The following ADAM12 variants were observed in gnomAD, a reference collection of about 807,000 sequenced individuals.
The protein encoded by ADAM12 is disintegrin and metalloproteinase domain-containing protein 12.
ADAM12 carries 70 observed loss-of-function variants against 106.4 expected under a neutral mutation model. The ratio of observed to expected loss-of-function variants is 0.66; its 90% CI spans 0.54 to 0.80. ADAM12 has a LOEUF of 0.80. Among genes scored for constraint, ADAM12 ranks in the 30% least tolerant of loss-of-function variants. ADAM12 has a pLI of 0.00. For synonymous variants in ADAM12, 420 were observed against 433.5 expected (o/e 0.97, Z 0.39); for missense variants, 1,010 against 1,171.9 (o/e 0.86, Z 2.02).
intron 3 of ADAM12, among the ~76,000 whole-genome samples, chr10:126,245,015 C>T (rs1269734923): frequency 2.0e-5 from 3 of 152,144 alleles, no homozygotes; most frequent in African/African-American, 2.4e-5. Flanking sequence ...AGGGGAGGGG[C>T]TTGCACCAAG....
chr10:126,198,471 T>G (rs1009806249), intron 3 of ADAM12, among the ~76,000 whole-genome samples: 1 of 152,212 alleles, frequency 6.6e-6, no homozygotes, highest in Non-Finnish European at 1.5e-5. Context: ...TTTCACCGGC[T>G]CTTGCAGTGA....
At chr10:126,287,999 G>A (rs1476067592) in intron 2 of ADAM12, among the ~76,000 whole-genome samples, 2 of 151,792 alleles carry the variant, frequency 1.3e-5, no homozygotes, top group East Asian at 3.9e-4. Context: ...AGTCGGGGAT[G>A]CAGGAGGAAC....
intron 3 of ADAM12, among the ~76,000 whole-genome samples, chr10:126,185,699 CAG>C (rs1177838261): frequency 2.6e-5 from 4 of 151,890 alleles, no homozygotes; most frequent in African/African-American, 4.8e-5. Flanking sequence ...ATTAGAGAAA[CAG>C]AGATGATTTG....
intron 4 of ADAM12, among the ~76,000 whole-genome samples, chr10:126,148,887 T>G (rs1337855302): frequency 6.6e-6 from 1 of 151,854 alleles, no homozygotes; most frequent in Non-Finnish European, 1.5e-5. Flanking sequence ...CAGGACCCAT[T>G]GTGGGGAAGG....
At chr10:126,379,254 C>A (rs144981004) in intron 1 of ADAM12, among the ~76,000 whole-genome samples, 190 of 152,290 alleles carry the variant, frequency 1.2e-3, no homozygotes, top group African/African-American at 4.2e-3. Flanking sequence ...ATGTTTATTG[C>A]AGCACTATTC....
chr10:126,153,941 T>A (rs1283939555), intron 4 of ADAM12, among the ~76,000 whole-genome samples: 1 of 152,250 alleles, frequency 6.6e-6, no homozygotes, highest in Non-Finnish European at 1.5e-5. Flanking sequence ...TTTCAATGTC[T>A]TCATTTTTTA....
intron 13 of ADAM12, among the ~76,000 whole-genome samples, chr10:126,065,248 AG>A (rs1954843769): frequency 1.3e-5 from 2 of 152,240 alleles, no homozygotes; most frequent in South Asian, 4.1e-4. Context: ...ATGCAACATC[AG>A]GGTTCTCCAA....
intron 10 of ADAM12, 90 bp downstream of exon 10, chr10:126,098,326 A>G: frequency 2.9e-6 from 3 of 1,023,284 alleles, no homozygotes; most frequent in Non-Finnish European, 4.5e-6. Flanking sequence ...CATTAAAGGA[A>G]AGGATCTATC....
chr10:126,039,336 C>A lies in ADAM12; in HGVS notation c.2198G>T (p.Arg733Leu). 1 of 1,613,988 alleles carries A rather than the reference C, an allele frequency of 6.2e-7. No homozygotes were observed. Among genetic ancestry groups the A allele is most frequent in the South Asian group, 1.1e-5 (1 of 91,056 alleles). The change falls in exon 19 of 23, where the codon CGA becomes CTA. Residue 733 changes from arginine to leucine, a missense_variant. Arg to Leu is a moderately radical substitution (Grantham distance 102). Around this residue, in one of 3 missense-constraint regions of ADAM12, gnomAD observed 615 missense variants for 708.5 expected, o/e 0.87. Coordinates refer to ENST00000448723, the MANE Select transcript of ADAM12 (RefSeq NM_001288973.2). ...GGTCTTCTTATTTGTAAACAGCAGT[C>A]GTATCAAGGTCTTCCTTTTGAGATA... ...VVYLKRKTLIRLLFTNKKTTI... is the reference protein window; with the variant it reads ...VVYLKRKTLILLLFTNKKTTI...
intron 21 of ADAM12, among the ~76,000 whole-genome samples, chr10:126,032,335 G>A (rs1953985743): frequency 6.6e-6 from 1 of 152,202 alleles, no homozygotes; most frequent in African/African-American, 2.4e-5. Flanking sequence ...TTCCCTATGT[G>A]TGATGGGAGA....
chr10:126,326,373 A>G (rs1206480972), intron 2 of ADAM12, among the ~76,000 whole-genome samples: 2 of 152,224 alleles, frequency 1.3e-5, no homozygotes, highest in African/African-American at 4.8e-5. Context: ...GTGAACACCA[A>G]ATTAGACAGG....
chr10:126,069,236 CTA>C (rs1253660033), intron 12 of ADAM12, among the ~76,000 whole-genome samples: 1 of 152,106 alleles, frequency 6.6e-6, no homozygotes, highest in East Asian at 1.9e-4. Flanking sequence ...AACCTTGAAA[CTA>C]TTATTTTCTA....
chr10:126,052,704 C>T (rs1251313474), intron 14 of ADAM12, among the ~76,000 whole-genome samples: 1 of 152,166 alleles, frequency 6.6e-6, no homozygotes, highest in Non-Finnish European at 1.5e-5. Context: ...CCAACCTCAA[C>T]AGGGATTGAA....
chr10:126,330,380 G>A, intron 2 of ADAM12, 32 bp downstream of exon 2: 1 of 1,562,606 alleles, frequency 6.4e-7, no homozygotes, highest in South Asian at 1.1e-5. Flanking sequence ...AGCTTCGGCA[G>A]TCTCAAAGCT....
rs962370484 is a variant in ADAM12 at position 126,094,808 on chromosome 10, C to T, written c.997-675G>A. On this transcript the variant is annotated intron_variant, in intron 10 of 22. Transcript: ENST00000448723. Reference sequence around the variant, plus strand: ...CAGACTTTGGAAATGGGAGGTGTCCCGATTCTCTGACTCTTGCGGCTGGGG... The same window carrying T: ...CAGACTTTGGAAATGGGAGGTGTCCTGATTCTCTGACTCTTGCGGCTGGGG... 3.3e-5 allele frequency among the ~76,000 whole-genome samples: 5 copies of T among 152,250 alleles called. No homozygotes were observed. In the East Asian group the frequency reaches 7.7e-4, roughly 23 times the overall value.
chr10:126,096,060 A>C (rs1955552657), intron 10 of ADAM12, among the ~76,000 whole-genome samples: 1 of 152,248 alleles, frequency 6.6e-6, no homozygotes. Context: ...ACAGTAGATG[A>C]AATTCCTAAT....
chr10:126,314,783 T>C (rs567948000), intron 2 of ADAM12, among the ~76,000 whole-genome samples: 38 of 152,136 alleles, frequency 2.5e-4, no homozygotes, highest in South Asian at 1.2e-3. Context: ...CAACCCCAAA[T>C]CTAGCTGGAA....
intron 10 of ADAM12, 124 bp downstream of exon 10, chr10:126,098,291 TA>T: frequency 1.3e-6 from 1 of 794,318 alleles, no homozygotes; most frequent in Non-Finnish European, 2.1e-6. Context: ...ACAGCTACAG[TA>T]AAAATAGAGT....
intron 3 of ADAM12, among the ~76,000 whole-genome samples, chr10:126,252,076 G>A (rs1958790215): frequency 7.5e-6 from 1 of 133,412 alleles, no homozygotes; most frequent in South Asian, 2.7e-4. Flanking sequence ...TGGATGGGAT[G>A]AATGGATTAG....
Sources: allele counts gnomAD v4.1 joint callset (sites outside exome capture counted in the v4.1 genomes callset), GRCh38; gene constraint gnomAD v4.1.1; regional missense constraint gnomAD v4.1.1; transcripts MANE v1.5; gene names NCBI Gene and HGNC (gene_info 2026-07-23, HGNC 2026-07-21).